The following MTUS2 variants were observed in gnomAD, a reference collection of about 807,000 sequenced individuals.
MTUS2 encodes microtubule associated scaffold protein 2.
A neutral mutation model predicts 114.1 loss-of-function variants in MTUS2; 40 were observed. The observed-to-expected ratio is 0.35, with a 90% confidence interval of 0.27 to 0.46. MTUS2 has a LOEUF of 0.46. Ranked by LOEUF, MTUS2 falls within the 20% of genes least tolerant of loss-of-function variation. MTUS2 has a pLI of 1.00. For missense variants in MTUS2, 1,679 were observed against 1,705.4 expected (o/e 0.98, Z 0.27); for synonymous variants, 688 against 672.0 (o/e 1.02, Z -0.37).
At chr13:29,023,741 C>G (rs1886389113) in intron 2 of MTUS2, among the ~76,000 whole-genome samples, 1 of 152,194 alleles carries the variant, frequency 6.6e-6, no homozygotes, top group Non-Finnish European at 1.5e-5. Context: ...ACCAGTTAGG[C>G]CAGTTATTTT....
chr13:28,861,439 CT>C (rs11462684), intron 2 of MTUS2, among the ~76,000 whole-genome samples: 132 of 139,390 alleles, frequency 9.5e-4, no homozygotes, highest in Admixed American at 2.6e-3. Flanking sequence ...CTGTTTTTTT[CT>C]TTTTTTTTTT....
chr13:29,441,023 A>G (rs1470814389), intron 9 of MTUS2, among the ~76,000 whole-genome samples: 1 of 152,006 alleles, frequency 6.6e-6, no homozygotes, highest in Non-Finnish European at 1.5e-5. Flanking sequence ...GAGTTCTGTG[A>G]CTTCTTTTAA....
intron 6 of MTUS2, among the ~76,000 whole-genome samples, chr13:29,311,572 G>C (rs1039093688): frequency 6.6e-6 from 1 of 152,114 alleles, no homozygotes; most frequent in Admixed American, 6.5e-5. Flanking sequence ...TAATGAATAC[G>C]TGTCCTTTTA....
chr13:28,910,865 T>A (rs1231744601), intron 2 of MTUS2, among the ~76,000 whole-genome samples: 1 of 63,366 alleles, frequency 1.6e-5, no homozygotes, highest in Non-Finnish European at 3.0e-5. Flanking sequence ...CTTTTTTTTT[T>A]TTTTTTTTTT....
intron 2 of MTUS2, among the ~76,000 whole-genome samples, chr13:29,022,103 A>G (rs961206201): frequency 1.3e-5 from 2 of 152,206 alleles, no homozygotes; most frequent in African/African-American, 4.8e-5. Context: ...AAACATGGGG[A>G]AAGAAATGGA....
intron 5 of MTUS2, among the ~76,000 whole-genome samples, chr13:29,158,006 A>G (rs898823001): frequency 6.6e-6 from 1 of 152,164 alleles, no homozygotes; most frequent in African/African-American, 2.4e-5. Context: ...AACATCTCTG[A>G]CTTTTAAAAA....
At chr13:29,465,963 A>G (rs1181311494) in intron 9 of MTUS2, among the ~76,000 whole-genome samples, 1 of 152,238 alleles carries the variant, frequency 6.6e-6, no homozygotes, top group Non-Finnish European at 1.5e-5. Context: ...GTTCTGTTCT[A>G]GATGCATTCC....
At chr13:29,419,075 G>A (rs192317766) in intron 8 of MTUS2, among the ~76,000 whole-genome samples, 61 of 152,262 alleles carry the variant, frequency 4.0e-4, no homozygotes, top group Non-Finnish European at 6.0e-4. Flanking sequence ...TTCTTTCACC[G>A]TTATTCCATA....
Position 29,393,326 on chromosome 13 carries a change from C to T in MTUS2, c.3117+33853C>T, listed in dbSNP as rs1322560409. Among the ~76,000 whole-genome samples the T allele has an allele frequency of 4.2e-5, 3 of 71,536 alleles. No individual in the cohort carries two copies. In the East Asian group the frequency reaches 1.2e-3, roughly 28 times the overall value. 46.9% of individuals were successfully genotyped at this position (71,536 alleles called of 152,430 possible). ...TCTCTGACAGTAATTTCTGGAGTGA[C>T]CTTGAGCACATCTTGTCGCTCCCGC... On this transcript the variant is annotated intron_variant, in intron 8 of 15. Transcript: ENST00000612955.
At chr13:29,168,041 A>G (rs973289920) in intron 5 of MTUS2, among the ~76,000 whole-genome samples, 2 of 152,204 alleles carry the variant, frequency 1.3e-5, no homozygotes, top group Non-Finnish European at 2.9e-5. Flanking sequence ...ATCAGCTGAC[A>G]TTTCATGTAT....
intron 8 of MTUS2, among the ~76,000 whole-genome samples, chr13:29,424,642 A>G (rs1233131330): frequency 6.6e-6 from 1 of 152,206 alleles, no homozygotes; most frequent in Non-Finnish European, 1.5e-5. Context: ...TGAAGCACAC[A>G]GCATCACCTC....
intron 2 of MTUS2, among the ~76,000 whole-genome samples, chr13:28,848,986 A>G (rs1876071140): frequency 6.6e-6 from 1 of 152,226 alleles, no homozygotes; most frequent in Non-Finnish European, 1.5e-5. Context: ...CTGGATGAAT[A>G]GCCTATATTG....
chr13:29,203,084 G>T (rs543624657), intron 5 of MTUS2, among the ~76,000 whole-genome samples: 1 of 152,228 alleles, frequency 6.6e-6, no homozygotes, highest in Non-Finnish European at 1.5e-5. Flanking sequence ...CAGGAACAAC[G>T]TTTAAGTCTA....
At chr13:29,497,652 A>G (rs1421418788) in intron 13 of MTUS2, 3 of 339,232 alleles carry the variant, frequency 8.8e-6, no homozygotes, top group Non-Finnish European at 1.1e-5. Context: ...CACCCCTTCC[A>G]GCCCATTCTC....
chr13:29,223,030 A>G (rs1183418418), intron 5 of MTUS2, among the ~76,000 whole-genome samples: 1 of 152,130 alleles, frequency 6.6e-6, no homozygotes. Flanking sequence ...CTTGGCACAA[A>G]CAGTCTGGAC....
At chr13:28,925,426 A>G (rs181142685) in intron 2 of MTUS2, among the ~76,000 whole-genome samples, 38 of 152,230 alleles carry the variant, frequency 2.5e-4, no homozygotes, top group Non-Finnish European at 4.7e-4. Flanking sequence ...TAAGTATTTT[A>G]AACTAATACT....
At chr13:28,895,870 G>A (rs915853245) in intron 2 of MTUS2, among the ~76,000 whole-genome samples, 2 of 152,182 alleles carry the variant, frequency 1.3e-5, no homozygotes, top group African/African-American at 4.8e-5. Flanking sequence ...AACAGCTAGT[G>A]GTAATTCTGT....
At chr13:29,421,965 A>G (rs375906760) in intron 8 of MTUS2, among the ~76,000 whole-genome samples, 30 of 152,384 alleles carry the variant, frequency 2.0e-4, no homozygotes, top group African/African-American at 6.7e-4. Flanking sequence ...GCATGTTTCT[A>G]CTATGTCAGT....
chr13:29,295,491 A>G (rs930338728), intron 6 of MTUS2, among the ~76,000 whole-genome samples: 8 of 151,970 alleles, frequency 5.3e-5, no homozygotes, highest in Non-Finnish European at 1.2e-4. Flanking sequence ...CAACCTTTTT[A>G]GCTTCCACAT....
Sources: gnomAD v4.1 joint callset for allele counts (sites outside exome capture counted in the v4.1 genomes callset) on GRCh38, gnomAD v4.1.1 for gene constraint, MANE v1.5 for transcripts, NCBI Gene and HGNC (gene_info 2026-07-23, HGNC 2026-07-21) for gene names.